The following COL28A1 variants were observed in gnomAD, a reference collection of about 807,000 sequenced individuals.
COL28A1 encodes the protein collagen type XXVIII alpha 1 chain.
Under a neutral mutation model 150.2 loss-of-function variants are expected in COL28A1, and 161 were observed. The observed-to-expected ratio is 1.07, with a 90% CI of 0.94 to 1.22. The LOEUF (loss-of-function observed/expected upper bound fraction) is 1.22, where lower values mean the gene tolerates loss of function less well. COL28A1 is among the 50% of genes most tolerant of loss of function. The pLI is 0.00. For synonymous variants in COL28A1, 552 were observed against 469.7 expected (o/e 1.18, Z -2.26); for missense variants, 1,617 against 1,388.3 (o/e 1.16, Z -2.62).
intron 18 of COL28A1, 83 bp downstream of exon 18, chr7:7,452,236 T>G: frequency 6.5e-7 from 1 of 1,550,382 alleles, no homozygotes; most frequent in East Asian, 2.4e-5. Context: ...ACACACAGAG[T>G]CTGTAAGGCA....
chr7:7,497,214 T>G (rs1213298538), intron 11 of COL28A1, among the ~76,000 whole-genome samples: 2 of 152,206 alleles, frequency 1.3e-5, no homozygotes, highest in African/African-American at 4.8e-5. Context: ...GGAAGTGTTG[T>G]GTTATAAAAG....
At chr7:7,383,680 G>GTATATA (rs1366244976) in intron 27 of COL28A1, among the ~76,000 whole-genome samples, 18 of 46,390 alleles carry the variant, frequency 3.9e-4, no homozygotes, top group East Asian at 7.9e-4. Flanking sequence ...GTGTGTGTGT[G>GTATATA]TGTATATATA....
intron 17 of COL28A1, 120 bp downstream of exon 17, chr7:7,453,320 A>G (rs1786863737): frequency 8.2e-6 from 6 of 727,872 alleles, no homozygotes; most frequent in Admixed American, 2.2e-5. Flanking sequence ...TTTTGCATTA[A>G]GTAGAGATCT....
At chr7:7,532,987 G>A in intron 1 of COL28A1, 75 bp from the exon 2 acceptor site, 1 of 1,344,484 alleles carries the variant, frequency 7.4e-7, no homozygotes, top group Non-Finnish European at 9.6e-7. Flanking sequence ...AAGCCAGCAG[G>A]GTTGAAAACT....
In COL28A1 at chr7:7,456,031, A is replaced by T. The variant is rs745570463; in HGVS notation, c.1371+13T>A. ...GTTCTGCACTGAAGGGAAAGGAAGA[A>T]TGCATTAATTACCTGTTCCCCTTGA... On this transcript the variant is annotated intron_variant, in intron 16 of 34. Transcript: ENST00000399429. 5 of 1,613,860 alleles carry T rather than the reference A, an allele frequency of 3.1e-6. No homozygotes were observed. In the Admixed American group the frequency reaches 8.3e-5, roughly 27 times the overall value.
chr7:7,524,278 A>G, intron 3 of COL28A1, 29 bp from the exon 4 acceptor site: 1 of 1,222,120 alleles, frequency 8.2e-7, no homozygotes, highest in Non-Finnish European at 1.2e-6. Context: ...TGAAGCATTA[A>G]CTCGATTGAT....
At chr7:7,494,349 A>G (rs886931493) in intron 11 of COL28A1, among the ~76,000 whole-genome samples, 4 of 152,056 alleles carry the variant, frequency 2.6e-5, no homozygotes, top group Admixed American at 1.3e-4. Context: ...AAGCCACCAC[A>G]CCTAGCCCTT....
chr7:7,420,106 C>T, intron 25 of COL28A1, 153 bp from the exon 26 acceptor site: 1 of 424,932 alleles, frequency 2.4e-6, no homozygotes. Context: ...ACCACCTAGG[C>T]AATCTTCAAA....
intron 13 of COL28A1, among the ~76,000 whole-genome samples, chr7:7,482,517 CTCTG>C (rs1340931762): frequency 6.9e-6 from 1 of 145,544 alleles, no homozygotes; most frequent in Non-Finnish European, 1.5e-5. Flanking sequence ...AAGAGTGAGA[CTCTG>C]TCTCAGAAAA....
In COL28A1 at chr7:7,455,923, T is replaced by C. The variant is rs145871540; in HGVS notation, c.1371+121A>G. On this transcript the variant is annotated intron_variant, in intron 16 of 34. Transcript: ENST00000399429. ...TTCCCTATATTCACTTCTGGACTTA[T>C]ACTCCACTGCAATTAACTGTCAAAT... 2.5e-3 allele frequency: 3,330 copies of C among 1,337,076 alleles called. 114 individuals are homozygous for C. The Admixed American group carries it at 0.069, about 28-fold the overall frequency. 82.8% of individuals were successfully genotyped at this position (1,337,076 alleles called of 1,614,324 possible).
intron 21 of COL28A1, 85 bp downstream of exon 21, chr7:7,440,705 A>G (rs1249909987): frequency 6.6e-6 from 4 of 608,142 alleles, no homozygotes; most frequent in East Asian, 2.7e-5. Flanking sequence ...CAAGGAATCC[A>G]ATTTTCAGTG....
intron 11 of COL28A1, among the ~76,000 whole-genome samples, chr7:7,494,797 A>T (rs917862702): frequency 6.6e-6 from 1 of 152,254 alleles, no homozygotes; most frequent in Non-Finnish European, 1.5e-5. Context: ...AACAGAATAC[A>T]TAAGACTCTG....
At chr7:7,507,266 C>A in intron 9 of COL28A1, 105 bp from the exon 10 acceptor site, 2 of 640,412 alleles carry the variant, frequency 3.1e-6, no homozygotes, top group South Asian at 2.4e-5. Flanking sequence ...TGCCATCTTC[C>A]CTGGTTATCT....
chr7:7,489,389 T>G lies in COL28A1; in HGVS notation c.1164A>C (p.Pro388=). 7.7e-7 allele frequency: 1 copy of G among 1,295,768 alleles called. No individual in the cohort carries two copies. 80.3% of individuals were successfully genotyped at this position (1,295,768 alleles called of 1,614,324 possible). ...TCCATCTAGAATTTTTGCTACTTAC[T>G]GGCTGTCCAGGCTCACCAACTCCAA... is the stretch of plus-strand genomic sequence containing the variant. ...GPIGVGEPGQ[P]GPRGPEGVPG... The change falls in exon 13 of 35, where the codon CCA becomes CCC. Residue 388 remains proline, a splice_region_variant and synonymous_variant. Transcript: ENST00000399429.
intron 23 of COL28A1, among the ~76,000 whole-genome samples, chr7:7,434,947 A>G (rs1343475141): frequency 6.6e-6 from 1 of 152,208 alleles, no homozygotes; most frequent in African/African-American, 2.4e-5. Context: ...GAAGTATTAC[A>G]TAAAATGAAA....
At chr7:7,498,879 A>G (rs1780361306) in intron 11 of COL28A1, among the ~76,000 whole-genome samples, 1 of 151,448 alleles carries the variant, frequency 6.6e-6, no homozygotes, top group East Asian at 1.9e-4. Flanking sequence ...TTGGTCCATC[A>G]GAGCTTTTAC....
In COL28A1 at chr7:7,368,569, G is replaced by A. The variant is rs116676607; in HGVS notation, c.3066+2156C>T. ...CTGAATCCCCAGTGTGATGGTATTT[G>A]AAGGTGGGGACTTTGGGAGGTGATT... is the stretch of plus-strand genomic sequence containing the variant. On this transcript the variant is annotated intron_variant, in intron 33 of 34. Coordinates refer to ENST00000399429, the MANE Select transcript of COL28A1 (RefSeq NM_001037763.3). 4.2e-3 allele frequency among the ~76,000 whole-genome samples: 646 copies of A among 152,240 alleles called. 5 individuals are homozygous for A. Among genetic ancestry groups the A allele is most frequent in the African/African-American group, 0.015 (623 of 41,536 alleles).
chr7:7,427,477 T>C (rs2128311716), intron 25 of COL28A1, among the ~76,000 whole-genome samples: 1 of 152,320 alleles, frequency 6.6e-6, no homozygotes, highest in Middle Eastern at 3.4e-3. Flanking sequence ...CCTTGTCCAG[T>C]CTATGTCTGC....
intron 26 of COL28A1, among the ~76,000 whole-genome samples, chr7:7,418,219 A>G (rs1383491596): frequency 6.6e-6 from 1 of 152,190 alleles, no homozygotes; most frequent in Non-Finnish European, 1.5e-5. Flanking sequence ...GGCCCCCTTC[A>G]CTGCCCTACC....
Sources: gnomAD v4.1 joint callset for allele counts (sites outside exome capture counted in the v4.1 genomes callset) on GRCh38, gnomAD v4.1.1 for gene constraint, MANE v1.5 for transcripts, NCBI Gene and HGNC (gene_info 2026-07-23, HGNC 2026-07-21) for gene names.